The following PPARGC1A variants were observed in gnomAD, a reference collection of about 807,000 sequenced individuals.
PPARGC1A encodes the protein peroxisome proliferator-activated receptor gamma coactivator 1-alpha.
A neutral mutation model predicts 88.7 loss-of-function variants in PPARGC1A; 25 were observed. The observed-to-expected ratio is 0.28, with a 90% CI of 0.21 to 0.39. The LOEUF is 0.39. PPARGC1A is among the 10% of genes least tolerant of loss of function. PPARGC1A has a pLI of 1.00. For missense variants in PPARGC1A, 880 were observed against 968.7 expected (o/e 0.91, Z 1.22); for synonymous variants, 363 against 355.6 (o/e 1.02, Z -0.24).
chr4:24,443,042 A>C, the PPARGC1A span, among the ~76,000 whole-genome samples: 717 of 152,250 alleles, frequency 4.7e-3, 14 homozygotes, highest in East Asian at 0.051. Context: ...ATTTCCTGTC[A>C]CCATAATTAT....
chr4:23,830,163 C>T (rs1223630723), intron 3 of PPARGC1A, among the ~76,000 whole-genome samples: 1 of 152,004 alleles, frequency 6.6e-6, no homozygotes. Flanking sequence ...TGCTTTGAAC[C>T]GTGTTTCATA....
the PPARGC1A span, among the ~76,000 whole-genome samples, chr4:24,099,279 C>T: frequency 6.9e-6 from 1 of 144,160 alleles, no homozygotes; most frequent in Non-Finnish European, 1.5e-5. Flanking sequence ...CTCATTCTCT[C>T]CCTCCTGCAA....
the PPARGC1A span, among the ~76,000 whole-genome samples, chr4:24,340,312 T>C: frequency 0.033 from 5,043 of 152,296 alleles, 130 homozygotes; most frequent in South Asian, 0.083. Flanking sequence ...TTAAATGGCA[T>C]AAATAAACTG....
chr4:24,166,557 C>A, the PPARGC1A span, among the ~76,000 whole-genome samples: 1 of 152,168 alleles, frequency 6.6e-6, no homozygotes, highest in Non-Finnish European at 1.5e-5. Context: ...GAGTTGGTGA[C>A]TTTAAGTTGA....
the PPARGC1A span, among the ~76,000 whole-genome samples, chr4:24,326,666 G>A: frequency 5.3e-3 from 808 of 152,086 alleles, 4 homozygotes; most frequent in Non-Finnish European, 8.2e-3. Flanking sequence ...AAAAACACAC[G>A]TGCTCTCCCT....
the PPARGC1A span, among the ~76,000 whole-genome samples, chr4:24,012,956 TCAC>T: frequency 6.6e-6 from 1 of 152,074 alleles, no homozygotes; most frequent in Admixed American, 6.6e-5. Context: ...AAACTGCAGG[TCAC>T]CACAAGTACA....
chr4:24,341,880 T>G, the PPARGC1A span, among the ~76,000 whole-genome samples: 1 of 152,158 alleles, frequency 6.6e-6, no homozygotes, highest in African/African-American at 2.4e-5. Context: ...GGTTGTTGAG[T>G]ACATGACTGT....
the PPARGC1A span, among the ~76,000 whole-genome samples, chr4:24,152,140 C>T: frequency 3.3e-5 from 5 of 152,166 alleles, no homozygotes; most frequent in Admixed American, 2.6e-4. Context: ...TTTCTTTCTT[C>T]GATTTAAGCC....
the PPARGC1A span, among the ~76,000 whole-genome samples, chr4:24,139,276 G>A: frequency 6.6e-6 from 1 of 151,826 alleles, no homozygotes; most frequent in Non-Finnish European, 1.5e-5. Flanking sequence ...TGGGACTACA[G>A]GCACCTGCCA....
chr4:23,818,675 TA>T (rs35441966), intron 7 of PPARGC1A, among the ~76,000 whole-genome samples: 65 of 147,192 alleles, frequency 4.4e-4, no homozygotes, highest in Middle Eastern at 7.0e-3. Flanking sequence ...CCCTTTTATT[TA>T]AAAAAAAAAG....
the PPARGC1A span, among the ~76,000 whole-genome samples, chr4:24,115,875 T>C: frequency 1.3e-5 from 2 of 152,172 alleles, no homozygotes; most frequent in African/African-American, 4.8e-5. Context: ...GGCTTCACTT[T>C]ACATTGATTT....
chr4:23,942,885 T>TAGC, the PPARGC1A span, among the ~76,000 whole-genome samples: 4 of 152,220 alleles, frequency 2.6e-5, no homozygotes, highest in African/African-American at 4.8e-5. Context: ...ACTACAGAAA[T>TAGC]ACTTCAAGCA....
At chr4:23,860,185 C>G (rs893322018) in intron 2 of PPARGC1A, among the ~76,000 whole-genome samples, 3 of 151,802 alleles carry the variant, frequency 2.0e-5, no homozygotes, top group African/African-American at 4.8e-5. Flanking sequence ...GATGGGAGGA[C>G]TGCTTGAGCC....
At chr4:23,960,139 A>G in the PPARGC1A span, among the ~76,000 whole-genome samples, 2 of 152,322 alleles carry the variant, frequency 1.3e-5, no homozygotes, top group African/African-American at 4.8e-5. Context: ...GTGGCCAGAT[A>G]GATTCAGCCT....
At chr4:24,006,466 T>G in the PPARGC1A span, among the ~76,000 whole-genome samples, 1 of 152,220 alleles carries the variant, frequency 6.6e-6, no homozygotes, top group Non-Finnish European at 1.5e-5. Context: ...GACTTTGCAA[T>G]TTATGAGTCT....
the PPARGC1A span, among the ~76,000 whole-genome samples, chr4:24,130,832 T>G: frequency 6.6e-6 from 1 of 152,150 alleles, no homozygotes; most frequent in Non-Finnish European, 1.5e-5. Flanking sequence ...CCCAGGCTCC[T>G]TAGTACAGAG....
chr4:24,326,105 G>A, the PPARGC1A span, among the ~76,000 whole-genome samples: 11 of 152,030 alleles, frequency 7.2e-5, no homozygotes, highest in Non-Finnish European at 1.3e-4. Context: ...TAACCCACAA[G>A]TATAAGATAC....
At chr4:24,412,625 C>T in the PPARGC1A span, among the ~76,000 whole-genome samples, 8 of 152,120 alleles carry the variant, frequency 5.3e-5, no homozygotes, top group Admixed American at 1.3e-4. Context: ...GGATTACAGG[C>T]GACCACCATC....
the PPARGC1A span, among the ~76,000 whole-genome samples, chr4:24,360,828 T>C: frequency 6.6e-6 from 1 of 152,258 alleles, no homozygotes; most frequent in Non-Finnish European, 1.5e-5. Context: ...CTCATCTATA[T>C]GATGTGGCTT....
Sources: allele counts gnomAD v4.1 joint callset (sites outside exome capture counted in the v4.1 genomes callset), GRCh38; gene constraint gnomAD v4.1.1; transcripts MANE v1.5; gene names NCBI Gene and HGNC (gene_info 2026-07-23, HGNC 2026-07-21).